Variants in RAB5B observed in about 807,000 individuals in gnomAD.
RAB5B encodes the protein ras-related protein Rab-5B.
In RAB5B, 11 loss-of-function variants were observed where a neutral mutation model predicts 28.6. The ratio of observed to expected loss-of-function variants is 0.38; its 90% CI spans 0.24 to 0.64. The LOEUF (loss-of-function observed/expected upper bound fraction) is 0.64. Ranked by LOEUF, RAB5B falls within the 30% of genes least tolerant of loss-of-function variation. The pLI is 0.53. For synonymous variants in RAB5B, 93 were observed against 97.9 expected (o/e 0.95, Z 0.29); for missense variants, 169 against 265.6 (o/e 0.64, Z 2.53).
At chr12:55,974,734 C>T (rs17528736) in intron 1 of RAB5B, among the ~76,000 whole-genome samples, 3,592 of 152,202 alleles carry the variant, frequency 0.024, 65 homozygotes, top group Non-Finnish European at 0.035. Flanking sequence ...CTGTATTAAT[C>T]TAGAAGACTA....
intron 1 of RAB5B, among the ~76,000 whole-genome samples, chr12:55,975,131 C>G (rs1253638043): frequency 6.6e-6 from 1 of 152,140 alleles, no homozygotes; most frequent in Non-Finnish European, 1.5e-5. Context: ...TCTCCTAGAA[C>G]TGAGAATCTA....
In RAB5B at chr12:55,974,079, A is replaced by T. The variant is rs966176499; in HGVS notation, c.-153A>T. On this transcript the variant is annotated 5_prime_UTR_variant, in exon 1 of 6. Coordinates refer to ENST00000360299, the MANE Select transcript of RAB5B (RefSeq NM_002868.4). ...AAGGAGGGGCAGGAGGGTTTGGTTG[A>T]GCTGCAGCTGTTTGTCTGTTCGACA... The T allele has an allele frequency of 6.6e-6, 1 of 152,502 alleles. No homozygotes were observed. The highest frequency in any genetic ancestry group is 2.4e-5 in the African/African-American group (1 of 41,458). 9.4% of individuals were successfully genotyped at this position (152,502 alleles called of 1,614,324 possible).
At chr12:55,981,182 G>A (rs958648470) in intron 1 of RAB5B, 1 of 666,964 alleles carries the variant, frequency 1.5e-6, no homozygotes, top group East Asian at 2.7e-5. Context: ...TCGTGCCTCA[G>A]CCTCCTGAGT....
rs142035104 is a variant in RAB5B at position 55,989,273 on chromosome 12, G to A, written c.164-674G>A. Among the ~76,000 whole-genome samples the A allele has an allele frequency of 8.0e-3, 1,203 of 150,066 alleles. 10 individuals are homozygous for A. The highest frequency in any genetic ancestry group is 0.012 in the Non-Finnish European group (817 of 67,438). The stretch of plus-strand genomic sequence containing the variant: ...CTAATTAATTCTTTTGTTTGTTTGC[G>A]TTTGTTTGTTTGTTTTTTGAGACGG... On this transcript the variant is annotated intron_variant, in intron 2 of 5. Coordinates refer to ENST00000360299, the MANE Select transcript of RAB5B (RefSeq NM_002868.4).
In RAB5B at chr12:55,995,972, C is replaced by CATATATATATAT. The variant is rs34061457; in HGVS notation, c.*3771_*3772insTATATATATATA. The CATATATATATAT allele has an allele frequency of 5.7e-4, 62 of 108,880 alleles. 1 individual carries two copies. In the East Asian group the frequency reaches 6.3e-3, roughly 11 times the overall value. 6.7% of individuals were successfully genotyped at this position (108,880 alleles called of 1,614,324 possible). A position where few individuals can be genotyped will look rare whatever the true frequency, so the allele number is the denominator to read the frequency against. ...CTCTCTCTCTCACTCTCTCTCTCTC[C>CATATATATATAT]ATATATATATACATATATATATATA... On this transcript the variant is annotated 3_prime_UTR_variant, in exon 6 of 6. Transcript: ENST00000360299.
chr12:55,991,699 C>T (rs1030614954), intron 5 of RAB5B: 15 of 445,374 alleles, frequency 3.4e-5, no homozygotes, highest in Non-Finnish European at 4.1e-5. Context: ...GAGGCCGAGG[C>T]GGGCGGATCA....
chr12:55,995,302 G>T lies in RAB5B; in HGVS notation c.*3090G>T, dbSNP rs1890255037. The stretch of plus-strand genomic sequence containing the variant: ...GACGGGGTTTCACCATGTTGGTCAG[G>T]CTGGTCTTGAACTCCTGACCTCGTG... On this transcript the variant is annotated 3_prime_UTR_variant, in exon 6 of 6. Transcript: ENST00000360299. 1 of 152,100 alleles carries T rather than the reference G, an allele frequency of 6.6e-6. No homozygotes were observed. The highest frequency in any genetic ancestry group is 1.5e-5 in the Non-Finnish European group (1 of 68,040). The allele number at this position is 152,100 out of a possible 1,614,324, so 9.4% of individuals were successfully genotyped here.
At chr12:55,975,546 C>T (rs990025566) in intron 1 of RAB5B, among the ~76,000 whole-genome samples, 2 of 151,082 alleles carry the variant, frequency 1.3e-5, no homozygotes, top group Non-Finnish European at 2.9e-5. Flanking sequence ...CCCGGGAGTT[C>T]GAGGGTGCAG....
At chr12:55,976,417 C>G (rs546206040) in intron 1 of RAB5B, among the ~76,000 whole-genome samples, 1 of 152,244 alleles carries the variant, frequency 6.6e-6, no homozygotes, top group East Asian at 1.9e-4. Flanking sequence ...ACACACACAC[C>G]CCAAGTTGTG....
At chr12:55,990,232 AC>A in intron 3 of RAB5B, 134 bp downstream of exon 3, 1 of 1,005,032 alleles carries the variant, frequency 9.9e-7, no homozygotes, top group East Asian at 2.8e-5. Flanking sequence ...ACATGGTGAA[AC>A]CCCGTCTCTA....
In RAB5B at chr12:55,996,194, A is replaced by G. The variant is rs2136500293; in HGVS notation, c.*3982A>G. ...CCACCCCCGTTCCCTGATTCCTGGT[A>G]AAAGCTCTAGTTGGAGAGCCGAAAG... On this transcript the variant is annotated 3_prime_UTR_variant, in exon 6 of 6. Coordinates refer to ENST00000360299, the MANE Select transcript of RAB5B (RefSeq NM_002868.4). 6.6e-6 allele frequency: 1 copy of G among 151,178 alleles called. No individual in the cohort carries two copies. The highest frequency in any genetic ancestry group is 2.1e-4 in the South Asian group (1 of 4,788). 9.4% of individuals were successfully genotyped at this position (151,178 alleles called of 1,614,324 possible).
At position 55,977,043 on chromosome 12, in the gene RAB5B, C is replaced by T. The variant is rs956470588; in HGVS notation, c.-93+2904C>T. ...AGGCTGGAGTGCAGTGGCATGATCT[C>T]GGCTCACTGCAACGTCTGCCTCCTA... On this transcript the variant is annotated intron_variant, in intron 1 of 5. Coordinates refer to ENST00000360299, the MANE Select transcript of RAB5B (RefSeq NM_002868.4). Among the ~76,000 whole-genome samples the T allele has an allele frequency of 2.6e-5, 4 of 152,038 alleles. No individual in the cohort carries two copies. In the East Asian group the frequency reaches 7.7e-4, roughly 29 times the overall value.
At chr12:55,990,541 C>T (rs1056716179) in intron 3 of RAB5B, 141 bp from the exon 4 acceptor site, 2 of 1,147,522 alleles carry the variant, frequency 1.7e-6, no homozygotes, top group Non-Finnish European at 2.5e-6. Context: ...GCTAAGAAGA[C>T]AGATAATGAA....
intron 1 of RAB5B, among the ~76,000 whole-genome samples, chr12:55,976,189 C>T (rs1284021953): frequency 6.6e-6 from 1 of 152,158 alleles, no homozygotes; most frequent in Non-Finnish European, 1.5e-5. Flanking sequence ...TCAGAGACAG[C>T]AAATCAGACT....
At chr12:55,981,044 G>C (rs542462312) in intron 1 of RAB5B, 9 of 1,608,692 alleles carry the variant, frequency 5.6e-6, no homozygotes, top group Non-Finnish European at 7.7e-6. Flanking sequence ...GGCGGACACC[G>C]GGGGAGCCGG....
At chr12:55,991,185 G>T in intron 4 of RAB5B, 175 bp from the exon 5 acceptor site, 1 of 584,846 alleles carries the variant, frequency 1.7e-6, no homozygotes, top group South Asian at 2.1e-5. Flanking sequence ...TGGACATGGG[G>T]TCATCTTGAG....
Position 55,992,454 on chromosome 12 carries a change from T to TA in RAB5B, c.*243dup. ...TTGGGGGTCAACTCCCCCCAGGACT[T>TA]ACCTTCCAAAACAAACTTTCTTCAC... On this transcript the variant is annotated 3_prime_UTR_variant, in exon 6 of 6. Coordinates refer to ENST00000360299, the MANE Select transcript of RAB5B (RefSeq NM_002868.4). 1.5e-6 allele frequency: 1 copy of TA among 666,128 alleles called. No homozygotes were observed. Among genetic ancestry groups the TA allele is most frequent in the Middle Eastern group, 2.4e-4 (1 of 4,152 alleles). 41.3% of individuals were successfully genotyped at this position (666,128 alleles called of 1,614,324 possible). A position where few individuals can be genotyped will look rare whatever the true frequency, so the allele number is the denominator to read the frequency against.
intron 1 of RAB5B, among the ~76,000 whole-genome samples, chr12:55,981,677 G>C (rs1168376393): frequency 6.6e-6 from 1 of 152,028 alleles, no homozygotes; most frequent in Non-Finnish European, 1.5e-5. Context: ...TGCACTGCTT[G>C]GGAGAGTTGC....
chr12:55,981,806 CTTT>C (rs760479306), intron 1 of RAB5B, among the ~76,000 whole-genome samples: 14 of 141,154 alleles, frequency 9.9e-5, no homozygotes, highest in Non-Finnish European at 7.8e-5. Context: ...AGCCGTACTT[CTTT>C]TTTTTTTTTT....
Sources: gnomAD v4.1 joint callset for allele counts (sites outside exome capture counted in the v4.1 genomes callset) on GRCh38, gnomAD v4.1.1 for gene constraint, MANE v1.5 for transcripts, NCBI Gene and HGNC (gene_info 2026-07-23, HGNC 2026-07-21) for gene names.